CAST: variants seen among roughly 807,000 people sequenced by gnomAD.
CAST encodes the protein MIR583 host.
A neutral mutation model predicts 119.6 loss-of-function variants in CAST; 76 were observed. That is an observed-to-expected ratio of 0.64 (90% CI 0.53 to 0.77). The LOEUF is 0.77. Among genes scored for constraint, CAST ranks in the 30% least tolerant of loss-of-function variants. CAST has a pLI of 0.00. For synonymous variants in CAST, 319 were observed against 331.6 expected (o/e 0.96, Z 0.41); for missense variants, 953 against 946.5 (o/e 1.01, Z -0.09).
At chr5:96,717,946 T>G (rs1296339968) in intron 3 of CAST, among the ~76,000 whole-genome samples, 1 of 152,192 alleles carries the variant, frequency 6.6e-6, no homozygotes, top group Admixed American at 6.5e-5. Context: ...GGATGGCAAC[T>G]ATTAGATGGA....
chr5:96,597,085 A>G (rs1747064281), intron 1 of CAST, among the ~76,000 whole-genome samples: 2 of 152,212 alleles, frequency 1.3e-5, no homozygotes, highest in African/African-American at 4.8e-5. Context: ...TGTGGGGGAC[A>G]CAGTTTAGTC....
chr5:96,696,094 T>C (rs1215444150), intron 3 of CAST, 187 bp downstream of exon 3: 1 of 363,890 alleles, frequency 2.7e-6, no homozygotes, highest in Admixed American at 4.4e-5. Flanking sequence ...TAAAACCTAG[T>C]AAAACCATTT....
At chr5:96,680,552 G>T (rs1304577735) in intron 2 of CAST, among the ~76,000 whole-genome samples, 1 of 151,628 alleles carries the variant, frequency 6.6e-6, no homozygotes, top group Admixed American at 6.6e-5. Context: ...AATAGCAAAG[G>T]AACACCATTA....
chr5:95,969,930 T>C, the CAST span, among the ~76,000 whole-genome samples: 204 of 152,228 alleles, frequency 1.3e-3, 1 homozygote, highest in African/African-American at 4.6e-3. Context: ...AGAAAAAGAA[T>C]TGGGGAATAT....
chr5:96,562,055 GT>G (rs1561417328), intron 1 of CAST, among the ~76,000 whole-genome samples: 3 of 150,834 alleles, frequency 2.0e-5, no homozygotes, highest in African/African-American at 7.3e-5. Flanking sequence ...GCCTCCCAAA[GT>G]GCTGGGATTA....
At chr5:96,533,238 T>C (rs1033009273) in intron 1 of CAST, among the ~76,000 whole-genome samples, 1 of 152,030 alleles carries the variant, frequency 6.6e-6, no homozygotes, top group East Asian at 1.9e-4. Context: ...TACTAACATA[T>C]AAATTTTGTG....
intron 2 of CAST, among the ~76,000 whole-genome samples, chr5:96,695,115 C>T (rs1332264564): frequency 6.6e-6 from 1 of 152,192 alleles, no homozygotes; most frequent in African/African-American, 2.4e-5. Context: ...TACTAACTGT[C>T]ACCATGGCCA....
At chr5:96,586,745 C>A (rs1324654614) in intron 1 of CAST, among the ~76,000 whole-genome samples, 4 of 152,192 alleles carry the variant, frequency 2.6e-5, no homozygotes, top group Non-Finnish European at 5.9e-5. Flanking sequence ...GTAAAAGTTC[C>A]AGTATAAATT....
intron 3 of CAST, among the ~76,000 whole-genome samples, chr5:96,711,310 C>A (rs549128657): frequency 6.6e-6 from 1 of 151,822 alleles, no homozygotes; most frequent in African/African-American, 2.4e-5. Context: ...CAATATAAAA[C>A]AAAGAAAAAG....
the CAST span, among the ~76,000 whole-genome samples, chr5:96,443,240 ATTAAT>A: frequency 1.3e-5 from 2 of 152,230 alleles, no homozygotes; most frequent in African/African-American, 4.8e-5. Flanking sequence ...TCCAGAGCTT[ATTAAT>A]GCTGGATTCA....
At position 96,727,146 on chromosome 5, in the gene CAST, T is replaced by G. The variant is rs556898109; in HGVS notation, c.336+287T>G. 6.6e-5 allele frequency among the ~76,000 whole-genome samples: 10 copies of G among 152,360 alleles called. No individual in the cohort carries two copies. The East Asian group carries it at 1.9e-3, about 29-fold the overall frequency. ...CCGTGTTAGTGGCATGGAAACACAG[T>G]GCCCTTGGCTTTGTGATGAAGGTTT... On this transcript the variant is annotated intron_variant, in intron 5 of 31. Coordinates refer to ENST00000675179, the MANE Select transcript of CAST (RefSeq NM_001750.7).
chr5:96,513,830 G>A, the CAST span, among the ~76,000 whole-genome samples: 26 of 152,220 alleles, frequency 1.7e-4, no homozygotes, highest in East Asian at 3.9e-4. Flanking sequence ...TTCTCTCGCC[G>A]TCCTAGAGGT....
At chr5:96,462,123 G>A in the CAST span, among the ~76,000 whole-genome samples, 1 of 152,008 alleles carries the variant, frequency 6.6e-6, no homozygotes, top group Non-Finnish European at 1.5e-5. Flanking sequence ...TCCCAACCAG[G>A]TTAGATATAT....
At chr5:96,220,247 T>C in the CAST span, among the ~76,000 whole-genome samples, 1 of 152,170 alleles carries the variant, frequency 6.6e-6, no homozygotes, top group African/African-American at 2.4e-5. Context: ...GAACATTGCT[T>C]TGTGAAGACA....
At chr5:96,482,003 C>T in the CAST span, among the ~76,000 whole-genome samples, 1 of 152,158 alleles carries the variant, frequency 6.6e-6, no homozygotes, top group Non-Finnish European at 1.5e-5. Flanking sequence ...TGCCCCACAT[C>T]ACTCTTACAT....
At chr5:96,721,408 A>G (rs1340306398) in intron 3 of CAST, among the ~76,000 whole-genome samples, 1 of 152,134 alleles carries the variant, frequency 6.6e-6, no homozygotes, top group Non-Finnish European at 1.5e-5. Context: ...GCCATAGACT[A>G]TAGTGGGTTT....
chr5:96,227,829 C>T, the CAST span, among the ~76,000 whole-genome samples: 3 of 152,086 alleles, frequency 2.0e-5, no homozygotes, highest in Non-Finnish European at 4.4e-5. Flanking sequence ...CAGTCACTTT[C>T]CCACACTCGC....
At chr5:96,315,312 C>G in the CAST span, among the ~76,000 whole-genome samples, 1 of 152,096 alleles carries the variant, frequency 6.6e-6, no homozygotes, top group Non-Finnish European at 1.5e-5. Flanking sequence ...CTACATACAC[C>G]TTCTTTTATA....
chr5:96,759,546 A>T (rs563164009), intron 24 of CAST, among the ~76,000 whole-genome samples: 25 of 152,126 alleles, frequency 1.6e-4, no homozygotes, highest in Non-Finnish European at 3.5e-4. Flanking sequence ...TTTTAAACTG[A>T]AATTTCTAAA....
Sources: gnomAD v4.1 joint callset for allele counts (sites outside exome capture counted in the v4.1 genomes callset) on GRCh38, gnomAD v4.1.1 for gene constraint, MANE v1.5 for transcripts, NCBI Gene and HGNC (gene_info 2026-07-23, HGNC 2026-07-21) for gene names.